PRKG1: variants seen among roughly 807,000 people sequenced by gnomAD.
PRKG1 encodes the protein cGMP-dependent protein kinase 1.
PRKG1 carries 35 observed loss-of-function variants against 88.1 expected under a neutral mutation model. The ratio of observed to expected loss-of-function variants is 0.40; its 90% CI spans 0.30 to 0.53. The LOEUF (loss-of-function observed/expected upper bound fraction) is 0.53. Among genes scored for constraint, PRKG1 ranks in the 20% least tolerant of loss-of-function variants. PRKG1 has a pLI of 0.59. For missense variants in PRKG1, 540 were observed against 839.8 expected (o/e 0.64, Z 4.41); for synonymous variants, 303 against 292.5 (o/e 1.04, Z -0.37).
intron 2 of PRKG1, among the ~76,000 whole-genome samples, chr10:51,389,975 G>A (rs774388175): frequency 1.3e-5 from 2 of 152,266 alleles, no homozygotes; most frequent in Middle Eastern, 3.4e-3. Flanking sequence ...TCAGTCCACT[G>A]GCCATATGCA....
At chr10:51,654,698 T>A (rs1840120138) in intron 3 of PRKG1, among the ~76,000 whole-genome samples, 1 of 152,184 alleles carries the variant, frequency 6.6e-6, no homozygotes, top group South Asian at 2.1e-4. Flanking sequence ...GGATAACATA[T>A]TCTTCATACT....
At chr10:51,392,617 A>C (rs570579992) in intron 2 of PRKG1, among the ~76,000 whole-genome samples, 4,389 of 151,122 alleles carry the variant, frequency 0.029, 83 homozygotes, top group Non-Finnish European at 0.041. Flanking sequence ...CGCCATTGTC[A>C]TCATGGCGCG....
chr10:52,064,038 C>A (rs1173822578), intron 7 of PRKG1, among the ~76,000 whole-genome samples: 4 of 152,154 alleles, frequency 2.6e-5, no homozygotes, highest in African/African-American at 9.7e-5. Flanking sequence ...GGACTGGCAG[C>A]CTGGCCTCCA....
intron 4 of PRKG1, among the ~76,000 whole-genome samples, chr10:51,877,897 G>A (rs934970567): frequency 6.6e-6 from 1 of 152,050 alleles, no homozygotes; most frequent in African/African-American, 2.4e-5. Context: ...TCACAATTAG[G>A]CCAACTTAGC....
intron 9 of PRKG1, among the ~76,000 whole-genome samples, chr10:52,235,641 T>C (rs1230975928): frequency 2.7e-5 from 2 of 73,456 alleles, no homozygotes; most frequent in Non-Finnish European, 5.2e-5. Flanking sequence ...ATGCACCCAA[T>C]ACAGGAGCAC....
chr10:51,650,138 A>G (rs1354715457), intron 3 of PRKG1, among the ~76,000 whole-genome samples: 3 of 152,164 alleles, frequency 2.0e-5, no homozygotes, highest in Admixed American at 6.6e-5. Context: ...ACCAACCAGT[A>G]TAAAGCATAG....
chr10:51,320,944 G>GA (rs916172756), intron 2 of PRKG1, among the ~76,000 whole-genome samples: 6 of 152,114 alleles, frequency 3.9e-5, no homozygotes, highest in African/African-American at 1.4e-4. Flanking sequence ...AGTAACAGAA[G>GA]AAAACACTGC....
intron 2 of PRKG1, among the ~76,000 whole-genome samples, chr10:51,452,804 A>G (rs564253829): frequency 6.6e-6 from 1 of 152,112 alleles, no homozygotes; most frequent in South Asian, 2.1e-4. Context: ...TATTGGCTTC[A>G]TAGAATGATT....
intron 3 of PRKG1, among the ~76,000 whole-genome samples, chr10:51,575,637 A>G (rs1358934853): frequency 6.6e-6 from 1 of 151,952 alleles, no homozygotes. Context: ...TAAAAACTAT[A>G]TAGATTATAA....
At chr10:51,123,351 T>C (rs1362189772) in intron 1 of PRKG1, among the ~76,000 whole-genome samples, 1 of 152,154 alleles carries the variant, frequency 6.6e-6, no homozygotes, top group African/African-American at 2.4e-5. Context: ...AACAGAAACT[T>C]CTTGCATGCT....
At chr10:52,161,445 G>T (rs1483152355) in intron 8 of PRKG1, among the ~76,000 whole-genome samples, 17 of 151,914 alleles carry the variant, frequency 1.1e-4, no homozygotes, top group Admixed American at 2.6e-4. Context: ...TTCAGAATTT[G>T]TTTGAGAATT....
intron 7 of PRKG1, among the ~76,000 whole-genome samples, chr10:52,075,699 G>A (rs567032058): frequency 3.9e-4 from 59 of 152,232 alleles, no homozygotes; most frequent in African/African-American, 9.9e-4. Context: ...CAGTTTTAAC[G>A]GCTGGAAGTC....
intron 5 of PRKG1, among the ~76,000 whole-genome samples, chr10:52,044,463 G>A (rs1027843120): frequency 2.6e-5 from 4 of 152,118 alleles, no homozygotes; most frequent in African/African-American, 7.2e-5. Flanking sequence ...TCCAATACAA[G>A]TATTTTTATT....
intron 1 of PRKG1, among the ~76,000 whole-genome samples, chr10:51,068,712 A>G (rs1235796903): frequency 6.6e-6 from 1 of 152,022 alleles, no homozygotes; most frequent in African/African-American, 2.4e-5. Context: ...ATACTTTAGA[A>G]TATTTTGTGG....
At chr10:52,107,088 A>G (rs556408038) in intron 7 of PRKG1, among the ~76,000 whole-genome samples, 2 of 152,316 alleles carry the variant, frequency 1.3e-5, no homozygotes, top group South Asian at 2.1e-4. Flanking sequence ...GAGACTGGCT[A>G]TGAGTGAGTT....
chr10:52,282,701 T>C (rs986079239), intron 14 of PRKG1, among the ~76,000 whole-genome samples: 6 of 152,144 alleles, frequency 3.9e-5, no homozygotes, highest in Non-Finnish European at 7.4e-5. Context: ...GCAACTGTTA[T>C]ATCTAAATGA....
At chr10:52,083,527 G>A (rs1846833522) in intron 7 of PRKG1, among the ~76,000 whole-genome samples, 2 of 152,010 alleles carry the variant, frequency 1.3e-5, no homozygotes, top group Non-Finnish European at 1.5e-5. Context: ...GGCTTAAATA[G>A]TGTTACAGAA....
intron 5 of PRKG1, among the ~76,000 whole-genome samples, chr10:51,990,956 G>T (rs1844290159): frequency 6.6e-6 from 1 of 152,076 alleles, no homozygotes; most frequent in East Asian, 1.9e-4. Context: ...TCTTTATCCA[G>T]TCTATCATTG....
chr10:51,188,547 A>G (rs1269705911), intron 2 of PRKG1, among the ~76,000 whole-genome samples: 10 of 151,974 alleles, frequency 6.6e-5, no homozygotes, highest in Admixed American at 3.3e-4. Flanking sequence ...TTCAAGATAC[A>G]ATTGCAACAA....
Sources: allele counts gnomAD v4.1 joint callset (sites outside exome capture counted in the v4.1 genomes callset), GRCh38; gene constraint gnomAD v4.1.1; transcripts MANE v1.5; gene names NCBI Gene and HGNC (gene_info 2026-07-23, HGNC 2026-07-21).